Variants in MAGI1 observed in about 807,000 individuals in gnomAD.
MAGI1 encodes membrane associated guanylate kinase, WW and PDZ domain containing 1.
A neutral mutation model predicts 139.9 loss-of-function variants in MAGI1; 58 were observed. That is an observed-to-expected ratio of 0.41 (90% CI 0.34 to 0.52). MAGI1 has a LOEUF of 0.52. Ranked by LOEUF, MAGI1 falls within the 20% of genes least tolerant of loss-of-function variation. The probability of loss-of-function intolerance (pLI) is 0.12; values close to 1 mark genes in which losing one functional copy is unlikely to be tolerated. For synonymous variants in MAGI1, 812 were observed against 737.9 expected (o/e 1.10, Z -1.63); for missense variants, 1,874 against 1,901.6 (o/e 0.99, Z 0.27).
chr3:65,731,008 G>A (rs756284281), intron 1 of MAGI1, among the ~76,000 whole-genome samples: 1 of 151,890 alleles, frequency 6.6e-6, no homozygotes, highest in African/African-American at 2.4e-5. Flanking sequence ...ACCTCTAGAG[G>A]CATCTTCTAG....
chr3:65,753,518 T>A (rs1246813533), intron 1 of MAGI1, among the ~76,000 whole-genome samples: 2 of 151,970 alleles, frequency 1.3e-5, no homozygotes. Context: ...GTTCAGGAGT[T>A]CGAGACCAGC....
intron 1 of MAGI1, among the ~76,000 whole-genome samples, chr3:65,813,866 G>GCA (rs1490243779): frequency 6.6e-6 from 1 of 152,098 alleles, no homozygotes; most frequent in Admixed American, 6.6e-5. Flanking sequence ...ACTTTATTCT[G>GCA]AAAAGCTCAA....
At chr3:65,485,133 C>A (rs1441878260) in intron 3 of MAGI1, among the ~76,000 whole-genome samples, 1 of 152,150 alleles carries the variant, frequency 6.6e-6, no homozygotes, top group Non-Finnish European at 1.5e-5. Context: ...GCATGACTCA[C>A]AACACTTTCT....
At chr3:65,454,776 A>G (rs1028671715) in intron 5 of MAGI1, among the ~76,000 whole-genome samples, 7 of 151,532 alleles carry the variant, frequency 4.6e-5, no homozygotes, top group African/African-American at 1.5e-4. Context: ...GAATGTATAC[A>G]CGTCATATCA....
intron 1 of MAGI1, among the ~76,000 whole-genome samples, chr3:65,851,110 A>G (rs901988634): frequency 1.3e-5 from 2 of 149,404 alleles, no homozygotes; most frequent in East Asian, 2.1e-4. Flanking sequence ...TCATCTGGAG[A>G]AAAAAAAAAT....
At chr3:65,963,518 A>C (rs1200014103) in intron 1 of MAGI1, among the ~76,000 whole-genome samples, 2 of 152,152 alleles carry the variant, frequency 1.3e-5, no homozygotes, top group Admixed American at 1.3e-4. Context: ...CAGGAAGCTG[A>C]GGCAGGAGAA....
intron 1 of MAGI1, among the ~76,000 whole-genome samples, chr3:65,882,561 G>A (rs1191373695): frequency 6.6e-6 from 1 of 151,724 alleles, no homozygotes. Flanking sequence ...TCAACTGGGG[G>A]GAAAAAAGGA....
At chr3:65,807,000 GTACTC>G (rs1336927301) in intron 1 of MAGI1, among the ~76,000 whole-genome samples, 1 of 152,156 alleles carries the variant, frequency 6.6e-6, no homozygotes, top group Non-Finnish European at 1.5e-5. Context: ...CTCCTATTCA[GTACTC>G]TACTCAGATG....
At chr3:65,646,683 G>A (rs779008332) in intron 1 of MAGI1, among the ~76,000 whole-genome samples, 13 of 151,862 alleles carry the variant, frequency 8.6e-5, no homozygotes, top group South Asian at 2.1e-4. Context: ...GTTAAGCGTC[G>A]AAAGTATACA....
At chr3:65,540,085 T>C (rs565889423) in intron 2 of MAGI1, among the ~76,000 whole-genome samples, 70 of 152,182 alleles carry the variant, frequency 4.6e-4, no homozygotes, top group Non-Finnish European at 9.0e-4. Flanking sequence ...TGGAAAGTGC[T>C]TAACATCAAG....
At chr3:65,672,286 T>C (rs959903146) in intron 1 of MAGI1, among the ~76,000 whole-genome samples, 4 of 152,216 alleles carry the variant, frequency 2.6e-5, no homozygotes, top group South Asian at 4.1e-4. Context: ...TCCCAGATCC[T>C]ATCTCCAACT....
At chr3:66,009,841 T>C (rs538646828) in intron 1 of MAGI1, among the ~76,000 whole-genome samples, 1 of 151,932 alleles carries the variant, frequency 6.6e-6, no homozygotes, top group African/African-American at 2.4e-5. Flanking sequence ...CCGAGATAGG[T>C]GAGGCAGGTG....
At chr3:66,025,404 G>T (rs539867227) in intron 1 of MAGI1, among the ~76,000 whole-genome samples, 170 of 152,214 alleles carry the variant, frequency 1.1e-3, no homozygotes, top group African/African-American at 3.8e-3. Context: ...TTTGGGCACG[G>T]TGGCACCCAC....
intron 1 of MAGI1, among the ~76,000 whole-genome samples, chr3:65,863,566 A>T (rs764413323): frequency 3.9e-5 from 6 of 152,188 alleles, no homozygotes; most frequent in African/African-American, 1.4e-4. Flanking sequence ...TTGCAGGTCA[A>T]TTACCTTTGT....
chr3:65,670,313 T>C (rs2086776903), intron 1 of MAGI1, among the ~76,000 whole-genome samples: 1 of 150,538 alleles, frequency 6.6e-6, no homozygotes. Flanking sequence ...TACATATGTA[T>C]ACATACACAC....
At chr3:65,955,189 G>T (rs12636820) in intron 1 of MAGI1, among the ~76,000 whole-genome samples, 43,990 of 152,062 alleles carry the variant, frequency 0.29, 7,281 homozygotes, top group Middle Eastern at 0.41. Context: ...CACGTTAGAG[G>T]TAAATAACTT....
In MAGI1 at chr3:65,493,736, T is replaced by C; in HGVS notation, c.431-105A>G. ...AACCTGTTCAGTAAGAGGGCGTACC[T>C]AAGACTCTGCTGCCTCATCTGTCCA... On this transcript the variant is annotated intron_variant, in intron 2 of 22. Transcript: ENST00000402939. 4 of 1,313,388 alleles carry C rather than the reference T, an allele frequency of 3.0e-6. No homozygotes were observed. In the Admixed American group the frequency reaches 7.8e-5, roughly 26 times the overall value. The allele number at this position is 1,313,388 out of a possible 1,614,324, so 81.4% of individuals were successfully genotyped here. A position where few individuals can be genotyped will look rare whatever the true frequency, so the allele number is the denominator to read the frequency against.
At chr3:65,954,240 T>G (rs998643724) in intron 1 of MAGI1, among the ~76,000 whole-genome samples, 6 of 152,126 alleles carry the variant, frequency 3.9e-5, no homozygotes, top group Non-Finnish European at 7.3e-5. Flanking sequence ...CCAGATGAAA[T>G]TTGTTAGAGT....
At chr3:65,423,778 C>A (rs1232735256) in intron 12 of MAGI1, among the ~76,000 whole-genome samples, 3 of 152,176 alleles carry the variant, frequency 2.0e-5, no homozygotes, top group African/African-American at 7.2e-5. Flanking sequence ...ACTGTATTTA[C>A]TTCAGAGGAC....
Sources: allele counts gnomAD v4.1 joint callset (sites outside exome capture counted in the v4.1 genomes callset), GRCh38; gene constraint gnomAD v4.1.1; transcripts MANE v1.5; gene names NCBI Gene and HGNC (gene_info 2026-07-23, HGNC 2026-07-21).